FEZ2: variants seen among roughly 807,000 people sequenced by gnomAD.
FEZ2 encodes the protein fasciculation and elongation protein zeta-2.
Under a neutral mutation model 40.4 loss-of-function variants are expected in FEZ2, and 51 were observed. The observed-to-expected ratio is 1.26, with a 90% CI of 1.01 to 1.59. The LOEUF is 1.59. Among genes scored for constraint, FEZ2 ranks in the 40% most tolerant of loss-of-function variants. FEZ2 has a pLI of 0.00. For synonymous variants in FEZ2, 242 were observed against 172.0 expected (o/e 1.41, Z -3.18); for missense variants, 640 against 438.3 (o/e 1.46, Z -4.11).
Position 36,598,094 on chromosome 2 carries a change from C to G in FEZ2, c.49G>C (p.Ala17Pro). ...WQDFYEFQEP[A>P]RSLLDQENCN... ...TTCTCCTGGTCCAGGAGGCTCCGGG[C>G]CGGCTCCTGGAACTCATAGAAATCC... Residue 17 changes from alanine to proline, a missense_variant, in exon 1 of 8, where the codon GCC becomes CCC. Ala to Pro is a conservative substitution (Grantham distance 27). Coordinates refer to ENST00000405912, the MANE Select transcript of FEZ2 (RefSeq NM_005102.3). The G allele has an allele frequency of 2.7e-6, 4 of 1,492,386 alleles. No homozygotes were observed. Among genetic ancestry groups the G allele is most frequent in the Non-Finnish European group, 3.5e-6 (4 of 1,128,742 alleles). The allele number at this position is 1,492,386 out of a possible 1,614,324, so 92.4% of individuals were successfully genotyped here. A position where few individuals can be genotyped will look rare whatever the true frequency, so the allele number is the denominator to read the frequency against.
At chr2:36,588,880 A>G (rs1255200735) in intron 2 of FEZ2, among the ~76,000 whole-genome samples, 1 of 152,130 alleles carries the variant, frequency 6.6e-6, no homozygotes, top group Non-Finnish European at 1.5e-5. Context: ...AAATTGGATT[A>G]AACTGTCTCA....
At chr2:36,555,613 A>G in intron 7 of FEZ2, 70 bp downstream of exon 7, 2 of 768,808 alleles carry the variant, frequency 2.6e-6, no homozygotes, top group East Asian at 2.6e-5. Context: ...CTAATGTATT[A>G]GCAAGGCGAT....
At chr2:36,584,507 C>CT in intron 2 of FEZ2, among the ~76,000 whole-genome samples, 1 of 152,344 alleles carries the variant, frequency 6.6e-6, no homozygotes, top group Non-Finnish European at 1.5e-5. Flanking sequence ...GAACATCTGT[C>CT]TATCATCTAC....
intron 3 of FEZ2, among the ~76,000 whole-genome samples, chr2:36,582,876 A>C (rs1668792396): frequency 6.6e-6 from 1 of 152,202 alleles, no homozygotes; most frequent in African/African-American, 2.4e-5. Context: ...GACTGGTTTT[A>C]AGTGAATACA....
chr2:36,581,482 T>C (rs1668746654), intron 3 of FEZ2, 51 bp from the exon 4 acceptor site: 2 of 1,565,524 alleles, frequency 1.3e-6, no homozygotes, highest in Non-Finnish European at 1.8e-6. Context: ...AGGAAAATGA[T>C]CTATCTGGAA....
intron 5 of FEZ2, among the ~76,000 whole-genome samples, chr2:36,577,163 G>T (rs958497230): frequency 6.6e-6 from 1 of 151,870 alleles, no homozygotes; most frequent in African/African-American, 2.4e-5. Flanking sequence ...GTACTCACTA[G>T]GAATAACTAA....
intron 5 of FEZ2, among the ~76,000 whole-genome samples, chr2:36,576,721 A>C (rs1276030525): frequency 6.6e-6 from 1 of 152,248 alleles, no homozygotes. Flanking sequence ...TACTGTTACT[A>C]TGAATCTATT....
At chr2:36,578,064 A>C (rs1199459079) in intron 5 of FEZ2, among the ~76,000 whole-genome samples, 1 of 152,238 alleles carries the variant, frequency 6.6e-6, no homozygotes, top group East Asian at 1.9e-4. Flanking sequence ...AGTCTGCCAA[A>C]TACTAGGCCA....
In FEZ2 at chr2:36,594,394, C is replaced by A. The variant is rs576447540; in HGVS notation, c.267-3383G>T. ...GACATACCCGAGACTGGGAAGAAAA[C>A]GAGGTTTAATTGGACTTACAGTTCC... On this transcript the variant is annotated intron_variant, in intron 1 of 7. Coordinates refer to ENST00000405912, the MANE Select transcript of FEZ2 (RefSeq NM_005102.3). 2.0e-3 allele frequency: 324 copies of A among 165,880 alleles called. 12 individuals are homozygous for A. In the East Asian group the frequency reaches 0.047, roughly 24 times the overall value. The allele number at this position is 165,880 out of a possible 1,614,324, so 10.3% of individuals were successfully genotyped here.
chr2:36,589,760 G>C lies in FEZ2; in HGVS notation c.375+1143C>G, dbSNP rs542069310. 9.9e-5 allele frequency: 15 copies of C among 152,256 alleles called. 1 individual carries two copies. In the South Asian group the frequency reaches 2.9e-3, roughly 29 times the overall value. The allele number at this position is 152,256 out of a possible 1,614,324, so 9.4% of individuals were successfully genotyped here. A position where few individuals can be genotyped will look rare whatever the true frequency, so the allele number is the denominator to read the frequency against. The stretch of plus-strand genomic sequence containing the variant: ...ACAGCCAGAATTCTACATTTTACTA[G>C]AAAATAATAACAGTAGGCTTTTCTG... On this transcript the variant is annotated intron_variant, in intron 2 of 7. Coordinates refer to ENST00000405912, the MANE Select transcript of FEZ2 (RefSeq NM_005102.3).
intron 5 of FEZ2, among the ~76,000 whole-genome samples, chr2:36,572,481 G>C (rs1432602325): frequency 6.6e-6 from 1 of 152,146 alleles, no homozygotes; most frequent in Non-Finnish European, 1.5e-5. Flanking sequence ...GTCTAAATCA[G>C]AGATTGGCAA....
Position 36,554,203 on chromosome 2 carries a change from G to T in FEZ2, c.1046-1024C>A, listed in dbSNP as rs1356902269. The T allele has an allele frequency of 8.5e-6, 4 of 471,320 alleles. No individual in the cohort carries two copies. The Admixed American group carries it at 9.4e-5, about 11-fold the overall frequency. The allele number at this position is 471,320 out of a possible 1,614,324, so 29.2% of individuals were successfully genotyped here. On this transcript the variant is annotated intron_variant, in intron 7 of 7. Coordinates refer to ENST00000405912, the MANE Select transcript of FEZ2 (RefSeq NM_005102.3). ...GCCAGCGGCCCGAGCATGAGGAGCA[G>T]AATTAGATGGGTGCTGCTTCCCTAA...
chr2:36,567,617 C>A (rs968865321), intron 5 of FEZ2, among the ~76,000 whole-genome samples: 1 of 152,056 alleles, frequency 6.6e-6, no homozygotes, highest in African/African-American at 2.4e-5. Flanking sequence ...CAAAAATTAG[C>A]CAGACGTGGT....
intron 2 of FEZ2, among the ~76,000 whole-genome samples, chr2:36,588,212 G>C (rs1474577313): frequency 6.6e-6 from 1 of 152,046 alleles, no homozygotes; most frequent in Non-Finnish European, 1.5e-5. Context: ...ATTTTTAGTA[G>C]AGACGGGGTT....
At chr2:36,566,669 A>G (rs572002548) in intron 5 of FEZ2, among the ~76,000 whole-genome samples, 4 of 152,290 alleles carry the variant, frequency 2.6e-5, no homozygotes, top group East Asian at 1.9e-4. Flanking sequence ...AGCTCAGGCA[A>G]AAGTCTTAGA....
chr2:36,591,357 C>T (rs759341366), intron 1 of FEZ2: 3 of 193,062 alleles, frequency 1.6e-5, no homozygotes, highest in Non-Finnish European at 3.2e-5. Context: ...GAAGGGGGAA[C>T]CATTATTAAC....
At chr2:36,584,964 T>C (rs529689392) in intron 2 of FEZ2, among the ~76,000 whole-genome samples, 2 of 152,188 alleles carry the variant, frequency 1.3e-5, no homozygotes, top group Non-Finnish European at 2.9e-5. Context: ...TCCAGGCTCC[T>C]GCGCAGTGAC....
At chr2:36,579,052 G>C in intron 4 of FEZ2, 187 bp from the exon 5 acceptor site, 1 of 580,536 alleles carries the variant, frequency 1.7e-6, no homozygotes. Flanking sequence ...CTGGAGATCA[G>C]ATCTGAGTAG....
rs751788375 is a variant in FEZ2 at position 36,579,115 on chromosome 2, A to C, written c.635-250T>G. On this transcript the variant is annotated intron_variant, in intron 4 of 7. Coordinates refer to ENST00000405912, the MANE Select transcript of FEZ2 (RefSeq NM_005102.3). ...CAGCTTGCTGGCAAGAAAGTCTAAC[A>C]AAAGTTTTTACTTGTGCAAATAAAT... 5 of 426,912 alleles carry C rather than the reference A, an allele frequency of 1.2e-5. No homozygotes were observed. The Admixed American group carries it at 1.2e-4, about 10-fold the overall frequency. 26.4% of individuals were successfully genotyped at this position (426,912 alleles called of 1,614,324 possible).
Sources: allele counts gnomAD v4.1 joint callset (sites outside exome capture counted in the v4.1 genomes callset), GRCh38; gene constraint gnomAD v4.1.1; transcripts MANE v1.5; gene names NCBI Gene and HGNC (gene_info 2026-07-23, HGNC 2026-07-21).